PPM1L: variants seen among roughly 807,000 people sequenced by gnomAD.
The protein encoded by PPM1L is protein phosphatase, Mg2+/Mn2+ dependent 1L.
In PPM1L, 13 loss-of-function variants were observed where a neutral mutation model predicts 31.4. The observed-to-expected ratio is 0.41, with a 90% CI of 0.27 to 0.66. The LOEUF (loss-of-function observed/expected upper bound fraction) is 0.66. Among genes scored for constraint, PPM1L ranks in the 30% least tolerant of loss-of-function variants. The probability of loss-of-function intolerance (pLI) is 0.29; values close to 1 mark genes in which losing one functional copy is unlikely to be tolerated. For synonymous variants in PPM1L, 184 were observed against 175.4 expected (o/e 1.05, Z -0.39); for missense variants, 326 against 453.7 (o/e 0.72, Z 2.56).
At chr3:161,050,100 G>C (rs1719223483) in intron 2 of PPM1L, among the ~76,000 whole-genome samples, 1 of 152,190 alleles carries the variant, frequency 6.6e-6, no homozygotes, top group Admixed American at 6.5e-5. Flanking sequence ...AGCCTCCCAT[G>C]ATGAGTCTAT....
At chr3:160,848,007 G>T (rs993459674) in intron 1 of PPM1L, among the ~76,000 whole-genome samples, 5 of 152,136 alleles carry the variant, frequency 3.3e-5, no homozygotes, top group African/African-American at 1.2e-4. Flanking sequence ...GTCTGATTAG[G>T]CATAGAGTAC....
At chr3:161,046,736 C>A (rs1256542339) in intron 2 of PPM1L, among the ~76,000 whole-genome samples, 1 of 152,118 alleles carries the variant, frequency 6.6e-6, no homozygotes, top group East Asian at 1.9e-4. Context: ...AAAAGTTTAT[C>A]CACCATGATC....
intron 2 of PPM1L, among the ~76,000 whole-genome samples, chr3:161,026,435 C>T (rs1182974765): frequency 6.6e-6 from 1 of 152,198 alleles, no homozygotes; most frequent in Non-Finnish European, 1.5e-5. Flanking sequence ...GTGGCTCACG[C>T]CTGTAATCCC....
intron 1 of PPM1L, among the ~76,000 whole-genome samples, chr3:160,818,493 G>A (rs1416651332): frequency 6.6e-6 from 1 of 151,926 alleles, no homozygotes; most frequent in African/African-American, 2.4e-5. Context: ...CAACTTAGTA[G>A]CACTTCTAGT....
At chr3:160,780,423 C>T (rs17826358) in intron 1 of PPM1L, among the ~76,000 whole-genome samples, 5,084 of 152,254 alleles carry the variant, frequency 0.033, 110 homozygotes, top group South Asian at 0.052. Context: ...TCACTTCCTA[C>T]TTGTACCTGG....
At chr3:160,794,654 G>T (rs984674556) in intron 1 of PPM1L, among the ~76,000 whole-genome samples, 1 of 152,138 alleles carries the variant, frequency 6.6e-6, no homozygotes, top group South Asian at 2.1e-4. Context: ...CGCCCTCTGA[G>T]AGCAAGATTG....
At chr3:161,013,490 T>A (rs1407932321) in intron 2 of PPM1L, among the ~76,000 whole-genome samples, 1 of 152,224 alleles carries the variant, frequency 6.6e-6, no homozygotes, top group Non-Finnish European at 1.5e-5. Context: ...CTGAGAAGAA[T>A]GTATATTCTG....
At chr3:160,987,594 T>A (rs1717005060) in intron 2 of PPM1L, among the ~76,000 whole-genome samples, 1 of 152,230 alleles carries the variant, frequency 6.6e-6, no homozygotes, top group Admixed American at 6.5e-5. Context: ...TACTTCTTAC[T>A]TCTCCAAGTA....
chr3:160,915,930 A>G (rs537673313), intron 1 of PPM1L, among the ~76,000 whole-genome samples: 11 of 152,254 alleles, frequency 7.2e-5, no homozygotes, highest in Non-Finnish European at 1.3e-4. Flanking sequence ...AAAGACTTAA[A>G]TGTTAGACCT....
At chr3:160,896,232 CT>C (rs1162625225) in intron 1 of PPM1L, among the ~76,000 whole-genome samples, 1 of 151,998 alleles carries the variant, frequency 6.6e-6, no homozygotes, top group African/African-American at 2.4e-5. Flanking sequence ...GGAAAAAAAT[CT>C]TTATTTTTAA....
chr3:160,965,229 C>T (rs1039994792), intron 2 of PPM1L, among the ~76,000 whole-genome samples: 4 of 150,786 alleles, frequency 2.7e-5, no homozygotes, highest in East Asian at 2.0e-4. Context: ...CAAGCCTGGG[C>T]GACAGAGCCT....
At chr3:160,835,085 C>CTTCTTTCTTCTTT (rs1186051564) in intron 1 of PPM1L, among the ~76,000 whole-genome samples, 2 of 117,848 alleles carry the variant, frequency 1.7e-5, no homozygotes, top group African/African-American at 7.5e-5. Flanking sequence ...TCTTCTTCTT[C>CTTCTTTCTTCTTT]TTTCTTTTTT....
chr3:160,764,249 A>T (rs1477082725), intron 1 of PPM1L, among the ~76,000 whole-genome samples: 1 of 152,176 alleles, frequency 6.6e-6, no homozygotes, highest in Admixed American at 6.5e-5. Flanking sequence ...TTCCTGCCTC[A>T]GCCTCATGAA....
intron 1 of PPM1L, among the ~76,000 whole-genome samples, chr3:160,786,155 CTCTGTGTGTGTGTGTG>C (rs1156639081): frequency 2.4e-5 from 2 of 83,218 alleles, no homozygotes; most frequent in South Asian, 4.0e-4. Flanking sequence ...CTCTCTCTCT[CTCTGTGTGTGTGTGTG>C]TGTGTGTGTG....
intron 2 of PPM1L, among the ~76,000 whole-genome samples, chr3:161,038,537 C>G (rs1381668573): frequency 7.1e-6 from 1 of 140,180 alleles, no homozygotes; most frequent in Non-Finnish European, 1.5e-5. Flanking sequence ...AACTTCTGGT[C>G]TCAAGAGATC....
chr3:160,775,307 A>C (rs1711538526), intron 1 of PPM1L, among the ~76,000 whole-genome samples: 1 of 152,190 alleles, frequency 6.6e-6, no homozygotes, highest in Non-Finnish European at 1.5e-5. Flanking sequence ...TGGTTTGTTA[A>C]GGCATTCATA....
At chr3:160,837,932 C>A (rs150118035) in intron 1 of PPM1L, among the ~76,000 whole-genome samples, 190 of 152,240 alleles carry the variant, frequency 1.2e-3, no homozygotes, top group African/African-American at 4.3e-3. Context: ...TTATTTTGTA[C>A]TGGGCCCTGC....
At chr3:160,782,273 T>C (rs530643393) in intron 1 of PPM1L, among the ~76,000 whole-genome samples, 2 of 152,338 alleles carry the variant, frequency 1.3e-5, no homozygotes, top group South Asian at 4.1e-4. Flanking sequence ...TATAGGTTTA[T>C]CACGTTCACC....
intron 1 of PPM1L, among the ~76,000 whole-genome samples, chr3:160,761,081 T>G (rs1576626242): frequency 1.3e-5 from 2 of 152,232 alleles, no homozygotes; most frequent in Admixed American, 6.5e-5. Flanking sequence ...TAACTTTTCT[T>G]GAGTCATGCT....
Sources: allele counts gnomAD v4.1 joint callset (sites outside exome capture counted in the v4.1 genomes callset), GRCh38; gene constraint gnomAD v4.1.1; transcripts MANE v1.5; gene names NCBI Gene and HGNC (gene_info 2026-07-23, HGNC 2026-07-21).